C8orf34: variants seen among roughly 807,000 people sequenced by gnomAD.
C8orf34 encodes uncharacterized protein C8orf34.
C8orf34 carries 65 observed loss-of-function variants against 68.3 expected under a neutral mutation model. The ratio of observed to expected loss-of-function variants is 0.95; its 90% CI spans 0.78 to 1.17. The LOEUF (loss-of-function observed/expected upper bound fraction) is 1.17. Among genes scored for constraint, C8orf34 ranks in the 50% most tolerant of loss-of-function variants. The pLI, the probability that C8orf34 is intolerant of heterozygous loss-of-function variation, is 0.00. For missense variants in C8orf34, 664 were observed against 655.4 expected, an observed-to-expected ratio of 1.01 and a Z score of -0.14; for synonymous variants, 244 against 241.2, an observed-to-expected ratio of 1.01 and a Z score of -0.11.
chr8:68,707,692 T>C (rs938880690), intron 8 of C8orf34, among the ~76,000 whole-genome samples: 6 of 152,040 alleles, frequency 3.9e-5, no homozygotes, highest in African/African-American at 1.4e-4. Context: ...CCACCTGCCT[T>C]AGCCTCCCGA....
chr8:68,409,741 T>A (rs917916893), intron 1 of C8orf34, among the ~76,000 whole-genome samples: 2 of 152,208 alleles, frequency 1.3e-5, no homozygotes, highest in African/African-American at 4.8e-5. Context: ...TCACATTCAC[T>A]CGCCACTCAC....
chr8:68,765,930 A>G (rs187592901), intron 10 of C8orf34, among the ~76,000 whole-genome samples: 4 of 152,360 alleles, frequency 2.6e-5, no homozygotes, highest in African/African-American at 9.6e-5. Flanking sequence ...TTTTCTCACG[A>G]AGTTTACATT....
At chr8:68,624,395 A>C (rs1286394401) in intron 7 of C8orf34, among the ~76,000 whole-genome samples, 1 of 152,196 alleles carries the variant, frequency 6.6e-6, no homozygotes, top group South Asian at 2.1e-4. Flanking sequence ...CAAAAACACT[A>C]GTTTGAGAAA....
chr8:68,566,485 A>G (rs901474278), intron 7 of C8orf34, among the ~76,000 whole-genome samples: 1 of 152,200 alleles, frequency 6.6e-6, no homozygotes, highest in African/African-American at 2.4e-5. Context: ...AACTTGCTGC[A>G]GCTTCTACAT....
chr8:68,331,558 A>G (rs923424953), intron 1 of C8orf34: 1 of 595,932 alleles, frequency 1.7e-6, no homozygotes, highest in Admixed American at 2.5e-5. Flanking sequence ...GAACGCGGAC[A>G]GGTGAGCTCG....
At chr8:68,790,180 C>G (rs1444493215) in intron 12 of C8orf34, among the ~76,000 whole-genome samples, 1 of 152,174 alleles carries the variant, frequency 6.6e-6, no homozygotes, top group Non-Finnish European at 1.5e-5. Context: ...TCCACTGATA[C>G]TTTCAGTCAA....
At chr8:68,555,374 T>C (rs1816219899) in intron 7 of C8orf34, among the ~76,000 whole-genome samples, 1 of 152,132 alleles carries the variant, frequency 6.6e-6, no homozygotes, top group African/African-American at 2.4e-5. Context: ...TTTATGAGTG[T>C]TGGCTATTTT....
At chr8:68,502,288 G>T (rs7844124) in intron 5 of C8orf34, among the ~76,000 whole-genome samples, 3 of 152,144 alleles carry the variant, frequency 2.0e-5, no homozygotes, top group Admixed American at 6.5e-5. Flanking sequence ...GAGGAATCAG[G>T]TTCCCTTAGA....
At chr8:68,416,512 C>CATTTATTTATTTACTT (rs1554544242) in intron 1 of C8orf34, among the ~76,000 whole-genome samples, 2 of 145,996 alleles carry the variant, frequency 1.4e-5, no homozygotes, top group Non-Finnish European at 3.0e-5. Context: ...ATTAAACATA[C>CATTTATTTATTTACTT]ATTTATTTAT....
rs2129626769 is a variant in C8orf34, at chr8:68,446,343, A to C, written c.490A>C (p.Arg164=). The change falls in exon 3 of 14, where the codon AGA becomes CGA. Residue 164 remains arginine (R), a synonymous_variant. Coordinates refer to ENST00000518698, the MANE Select transcript of C8orf34 (RefSeq NM_052958.4). ...TGTTTTAACAGAATCCAAAGGAACA[A>C]GAAGGGATTTCAGAAGCTATGATAA... is the stretch of plus-strand genomic sequence containing the variant. ...ESEKSESKGT[R]RDFRSYDKPW... is the part of the protein sequence containing the mutation. The C allele has an allele frequency of 6.3e-7, 1 of 1,598,812 alleles. No homozygotes were observed. The highest frequency in any genetic ancestry group is 1.8e-5 in the Admixed American group (1 of 55,604).
intron 1 of C8orf34, among the ~76,000 whole-genome samples, chr8:68,423,578 T>C (rs1222204738): frequency 6.6e-6 from 1 of 152,174 alleles, no homozygotes; most frequent in Non-Finnish European, 1.5e-5. Context: ...TTCCCACATT[T>C]TCCTGTCTTC....
chr8:68,639,643 C>T (rs570565683), intron 7 of C8orf34, among the ~76,000 whole-genome samples: 1 of 151,888 alleles, frequency 6.6e-6, no homozygotes, highest in Non-Finnish European at 1.5e-5. Flanking sequence ...AATTGGAATC[C>T]TTTTTACAAG....
chr8:68,647,162 A>G (rs1387387928), intron 8 of C8orf34, among the ~76,000 whole-genome samples: 1 of 152,212 alleles, frequency 6.6e-6, no homozygotes, highest in African/African-American at 2.4e-5. Context: ...AGAAAAAGAC[A>G]TACACATGGC....
chr8:68,366,678 G>C (rs985068106), intron 1 of C8orf34, among the ~76,000 whole-genome samples: 4 of 147,304 alleles, frequency 2.7e-5, no homozygotes, highest in Admixed American at 2.7e-4. Flanking sequence ...ATGGTGCTGG[G>C]AAAACTGGCT....
intron 7 of C8orf34, among the ~76,000 whole-genome samples, chr8:68,550,663 A>G (rs1209742616): frequency 6.6e-6 from 1 of 151,810 alleles, no homozygotes; most frequent in Non-Finnish European, 1.5e-5. Context: ...GTCTACTGGC[A>G]ACAAATTTCC....
chr8:68,765,342 C>T (rs150897421), intron 10 of C8orf34, among the ~76,000 whole-genome samples: 1 of 152,308 alleles, frequency 6.6e-6, no homozygotes, highest in Non-Finnish European at 1.5e-5. Flanking sequence ...TCTTACTTTT[C>T]TAGGTAACAC....
intron 4 of C8orf34, among the ~76,000 whole-genome samples, chr8:68,470,446 TC>T (rs1289210277): frequency 2.0e-5 from 3 of 152,104 alleles, no homozygotes; most frequent in Non-Finnish European, 4.4e-5. Flanking sequence ...TTTGCTGTGT[TC>T]CCCCAAATTT....
At chr8:68,553,689 C>A (rs1816159737) in intron 7 of C8orf34, among the ~76,000 whole-genome samples, 1 of 151,988 alleles carries the variant, frequency 6.6e-6, no homozygotes, top group African/African-American at 2.4e-5. Flanking sequence ...TGGTCAGTAG[C>A]CCCCTTTTTT....
chr8:68,424,035 C>T (rs964280668), intron 1 of C8orf34, among the ~76,000 whole-genome samples: 8 of 152,058 alleles, frequency 5.3e-5, no homozygotes, highest in Admixed American at 3.3e-4. Flanking sequence ...TGGGTGGGGA[C>T]ACAGAGCCAC....
Sources: allele counts gnomAD v4.1 joint callset (sites outside exome capture counted in the v4.1 genomes callset), GRCh38; gene constraint gnomAD v4.1.1; transcripts MANE v1.5; gene names NCBI Gene and HGNC (gene_info 2026-07-23, HGNC 2026-07-21).